The following GALNT11 variants were observed in gnomAD, a reference collection of about 807,000 sequenced individuals.
GALNT11 encodes the protein UDP-GalNAc:polypeptide N-acetylgalactosaminyltransferase 11.
Under a neutral mutation model 72.7 loss-of-function variants are expected in GALNT11, and 47 were observed. The observed-to-expected ratio is 0.65, with a 90% CI of 0.51 to 0.82. The LOEUF (loss-of-function observed/expected upper bound fraction) is 0.82. Among genes scored for constraint, GALNT11 ranks in the 40% least tolerant of loss-of-function variants. The pLI, the probability that GALNT11 is intolerant of heterozygous loss-of-function variation, is 0.00. For synonymous variants in GALNT11, 270 were observed against 286.6 expected (o/e 0.94, Z 0.58); for missense variants, 677 against 778.4 (o/e 0.87, Z 1.55).
intron 11 of GALNT11, 107 bp from the exon 12 acceptor site, chr7:152,121,439 G>A (rs2089426391): frequency 1.5e-6 from 2 of 1,338,402 alleles, no homozygotes; most frequent in Non-Finnish European, 2.0e-6. Flanking sequence ...GCTAAGAGGG[G>A]ACTATTGTAT....
At chr7:152,099,756 CTTTTTTTTTTTT>C (rs959548417) in intron 2 of GALNT11, among the ~76,000 whole-genome samples, 3 of 88,716 alleles carry the variant, frequency 3.4e-5, no homozygotes, top group Middle Eastern at 9.4e-3. Flanking sequence ...AACTGTGAAG[CTTTTTTTTTTTT>C]TTTTTTTTTT....
At chr7:152,027,189 CA>C (rs2082062545) in intron 1 of GALNT11, among the ~76,000 whole-genome samples, 3 of 152,292 alleles carry the variant, frequency 2.0e-5, no homozygotes, top group African/African-American at 7.2e-5. Flanking sequence ...GCAGAGCTTG[CA>C]GTGAGCCGAG....
intron 4 of GALNT11, chr7:152,104,832 C>T (rs2087353892): frequency 6.6e-6 from 1 of 152,358 alleles, no homozygotes; most frequent in Non-Finnish European, 1.5e-5. Flanking sequence ...TGTTTCTTAA[C>T]TATTTTGAAA....
chr7:152,122,145 T>C lies in GALNT11; in HGVS notation c.*468T>C, dbSNP rs1037487906. ...TCATGATTTCCTTTCTTAGACTTCA[T>C]AGGAGATAGTGCTTTAAAAAAAAAA... On this transcript the variant is annotated 3_prime_UTR_variant, in exon 12 of 12. Coordinates refer to ENST00000430044, the MANE Select transcript of GALNT11 (RefSeq NM_022087.4). 2 of 151,604 alleles carry C rather than the reference T, an allele frequency of 1.3e-5. No homozygotes were observed. The highest frequency in any genetic ancestry group is 4.9e-5 in the African/African-American group (2 of 40,982). The allele number at this position is 151,604 out of a possible 1,614,324, so 9.4% of individuals were successfully genotyped here.
chr7:152,110,591 G>A lies in GALNT11; in HGVS notation c.1026G>A (p.Gln342=), dbSNP rs142984529. 7.4e-6 allele frequency: 12 copies of A among 1,612,742 alleles called. No homozygotes were observed. In the African/African-American group the frequency reaches 1.6e-4, roughly 22 times the overall value. Residue 342 remains glutamine, a synonymous_variant, in exon 7 of 12, where the codon CAG becomes CAA. Coordinates refer to ENST00000430044, the MANE Select transcript of GALNT11 (RefSeq NM_022087.4). ...MNRQYFHELG[Q]YDSGMDIWGG... ...GACAGTATTTCCATGAACTTGGACA[G>A]TATGATAGTGGCATGGATATCTGGG...
chr7:152,106,183 G>T (rs1389651427), intron 5 of GALNT11, among the ~76,000 whole-genome samples: 1 of 152,222 alleles, frequency 6.6e-6, no homozygotes, highest in East Asian at 1.9e-4. Flanking sequence ...GGTAGGGCAT[G>T]GACATGGCGA....
intron 1 of GALNT11, among the ~76,000 whole-genome samples, chr7:152,090,475 A>G (rs1057107594): frequency 1.6e-4 from 25 of 152,170 alleles, no homozygotes; most frequent in Admixed American, 2.0e-4. Flanking sequence ...AAAAAGTTGT[A>G]TTTTCACTAC....
At chr7:152,100,974 T>C in intron 3 of GALNT11, 53 bp downstream of exon 3, 3 of 1,603,070 alleles carry the variant, frequency 1.9e-6, no homozygotes, top group Non-Finnish European at 2.6e-6. Flanking sequence ...ATGCTTTTAG[T>C]GTCAGTGTAA....
intron 6 of GALNT11, 48 bp downstream of exon 6, chr7:152,108,335 AAG>A: frequency 6.4e-7 from 1 of 1,562,194 alleles, no homozygotes; most frequent in South Asian, 1.2e-5. Flanking sequence ...GCTTCCTTAA[AAG>A]AGAACAAAAT....
At chr7:152,103,543 G>T in intron 4 of GALNT11, 2 of 356,024 alleles carry the variant, frequency 5.6e-6, no homozygotes, top group East Asian at 4.6e-5. Context: ...AATAACTGTA[G>T]GTTCACAGGA....
At position 152,025,728 on chromosome 7, in the gene GALNT11, C is replaced by G. The variant is rs1422545334; in HGVS notation, c.-195C>G. 5 of 151,660 alleles carry G rather than the reference C, an allele frequency of 3.3e-5. 1 individual carries two copies. In the South Asian group the frequency reaches 9.0e-4, roughly 27 times the overall value. 9.4% of individuals were successfully genotyped at this position (151,660 alleles called of 1,614,324 possible). A position where few individuals can be genotyped will look rare whatever the true frequency, so the allele number is the denominator to read the frequency against. On this transcript the variant is annotated 5_prime_UTR_variant, in exon 1 of 12. Transcript: ENST00000430044. Reference sequence around the variant, plus strand: ...GGGCCCTGGGCCTGAGGAGGCGCGGCCGCCACTGCGCCCAGCGCCTGCGCG... The same window carrying G: ...GGGCCCTGGGCCTGAGGAGGCGCGGGCGCCACTGCGCCCAGCGCCTGCGCG...
At chr7:152,082,604 G>A (rs1274595555) in intron 1 of GALNT11, among the ~76,000 whole-genome samples, 2 of 152,238 alleles carry the variant, frequency 1.3e-5, no homozygotes, top group Non-Finnish European at 2.9e-5. Flanking sequence ...AAGTGTGGGA[G>A]CTAAGAACAT....
At chr7:152,082,404 G>A (rs1253363301) in intron 1 of GALNT11, among the ~76,000 whole-genome samples, 1 of 152,164 alleles carries the variant, frequency 6.6e-6, no homozygotes. Flanking sequence ...CTCACATTCT[G>A]TATTTGTCCC....
At chr7:152,079,134 G>A (rs116184495) in intron 1 of GALNT11, 22 of 152,278 alleles carry the variant, frequency 1.4e-4, no homozygotes, top group African/African-American at 5.3e-4. Context: ...AGTAGCATGT[G>A]CCCATAGTCA....
intron 1 of GALNT11, among the ~76,000 whole-genome samples, chr7:152,081,446 G>A (rs1362296489): frequency 6.6e-6 from 1 of 152,160 alleles, no homozygotes; most frequent in African/African-American, 2.4e-5. Context: ...AGTCCTTTGC[G>A]ACCTAAATAG....
At chr7:152,035,336 CAG>C (rs1230860448) in intron 1 of GALNT11, among the ~76,000 whole-genome samples, 9 of 152,268 alleles carry the variant, frequency 5.9e-5, no homozygotes, top group Middle Eastern at 3.4e-3. Context: ...GCACCAGAGA[CAG>C]GGAGTGGTTT....
chr7:152,067,051 C>T (rs371868150), intron 1 of GALNT11, among the ~76,000 whole-genome samples: 70 of 152,260 alleles, frequency 4.6e-4, no homozygotes, highest in South Asian at 4.6e-3. Context: ...ACAACGTCAA[C>T]GAAGCACAAT....
chr7:152,096,991 C>G (rs968798599), intron 2 of GALNT11, among the ~76,000 whole-genome samples: 1 of 152,032 alleles, frequency 6.6e-6, no homozygotes, highest in Non-Finnish European at 1.5e-5. Context: ...CTATGCCCAG[C>G]TAATTTTTGT....
At chr7:152,098,620 A>G (rs899485271) in intron 2 of GALNT11, among the ~76,000 whole-genome samples, 2 of 152,214 alleles carry the variant, frequency 1.3e-5, no homozygotes, top group African/African-American at 4.8e-5. Context: ...CAAGAGACCT[A>G]TAATAGAACA....
Sources: allele counts gnomAD v4.1 joint callset (sites outside exome capture counted in the v4.1 genomes callset), GRCh38; gene constraint gnomAD v4.1.1; transcripts MANE v1.5; gene names NCBI Gene and HGNC (gene_info 2026-07-23, HGNC 2026-07-21).